SV2B: variants seen among roughly 807,000 people sequenced by gnomAD.
SV2B encodes the protein solute carrier family 22 member B2.
Under a neutral mutation model 73.9 loss-of-function variants are expected in SV2B, and 41 were observed. The observed-to-expected ratio is 0.56, with a 90% CI of 0.43 to 0.72. The LOEUF is 0.72. SV2B is among the 30% of genes least tolerant of loss of function. SV2B has a pLI of 0.00. For missense variants in SV2B, 764 were observed against 857.8 expected (o/e 0.89, Z 1.37); for synonymous variants, 314 against 314.2 (o/e 1.00, Z 0.01).
rs1485226390 is a variant in SV2B at position 91,239,367 on chromosome 15, C to A, written c.452-12452C>A. Among the ~76,000 whole-genome samples the A allele has an allele frequency of 6.7e-6, 1 of 150,052 alleles. No individual in the cohort carries two copies. Among genetic ancestry groups the A allele is most frequent in the African/African-American group, 2.5e-5 (1 of 40,616 alleles). ...CTCGGTGGGTCCTAGAAAAGGAAGT[C>A]TTGTGCTCGAAAGGAGACATGGTAA... On this transcript the variant is annotated intron_variant, in intron 2 of 12. Coordinates refer to ENST00000394232, the MANE Select transcript of SV2B (RefSeq NM_001323032.3). This position sits in a 1 kb window ranked among gnomAD's most constrained non-coding sequence, Gnocchi z 5.1.
At position 91,289,140 on chromosome 15, in the gene SV2B, G is replaced by C. The variant is rs1020128939; in HGVS notation, c.1709-381G>C. Among the ~76,000 whole-genome samples the C allele has an allele frequency of 6.6e-6, 1 of 152,172 alleles. No homozygotes were observed. Among genetic ancestry groups the C allele is most frequent in the South Asian group, 2.1e-4 (1 of 4,826 alleles). On this transcript the variant is annotated intron_variant, in intron 11 of 12. Coordinates refer to ENST00000394232, the MANE Select transcript of SV2B (RefSeq NM_001323032.3). The surrounding 1 kb of genome is among the most constrained non-coding windows in gnomAD (Gnocchi z 4.9). ...CATCCTGGTTTCAAATCAAGACTGA[G>C]GTTTTTGTTTTTGTTTTTTGGCCAA...
At chr15:91,221,693 G>GCGCGCGCA (rs370290337) in intron 1 of SV2B, among the ~76,000 whole-genome samples, 42 of 140,158 alleles carry the variant, frequency 3.0e-4, no homozygotes, top group Middle Eastern at 7.1e-3. Flanking sequence ...AAGCATGTGC[G>GCGCGCGCA]CACACACACA....
Position 91,130,150 on chromosome 15 carries a change from AT to A in SV2B, c.-392+29788del, listed in dbSNP as rs1318763433. On this transcript the variant is annotated intron_variant, in intron 1 of 12. Transcript: ENST00000394232. This position sits in a 1 kb window ranked among gnomAD's most constrained non-coding sequence, Gnocchi z 5.6. The stretch of plus-strand genomic sequence containing the variant: ...GGAGAGATGGATGAGATGATTCTTA[AT>A]GCTGAGATGAAACGGCTAGGACTTG... Among the ~76,000 whole-genome samples, 1 of 151,898 alleles carries A rather than the reference AT, an allele frequency of 6.6e-6. No individual in the cohort carries two copies. The highest frequency in any genetic ancestry group is 1.5e-5 in the Non-Finnish European group (1 of 68,048).
chr15:91,182,526 A>T (rs1022052216), intron 1 of SV2B, among the ~76,000 whole-genome samples: 2 of 152,214 alleles, frequency 1.3e-5, no homozygotes. Context: ...ACTTAGGGCA[A>T]GTTCCTGAGC....
Position 91,258,435 on chromosome 15 carries a change from A to T in SV2B, c.799A>T (p.Met267Leu), listed in dbSNP as rs138530686. Reference sequence around the variant, plus strand: ...CTCCTTTGCAGGCTGGGGCTTCAGCATGGGGACCAATTACCACTTCCATAG... The same window carrying T: ...CTCCTTTGCAGGCTGGGGCTTCAGCTTGGGGACCAATTACCACTTCCATAG... ...IIPHYGWGFS[M>L]GTNYHFHSWR... The change falls in exon 5 of 13, where the codon ATG becomes TTG. Residue 267 changes from methionine (M) to leucine (L), a missense_variant. By Grantham distance (15) the Met-to-Leu change is conservative. Coordinates refer to ENST00000394232, the MANE Select transcript of SV2B (RefSeq NM_001323032.3). The surrounding 1 kb of genome is among the most constrained non-coding windows in gnomAD (Gnocchi z 4.7). The T allele has an allele frequency of 1.9e-6, 3 of 1,614,100 alleles. No individual in the cohort carries two copies. In the South Asian group the frequency reaches 3.3e-5, roughly 18 times the overall value.
intron 2 of SV2B, among the ~76,000 whole-genome samples, chr15:91,247,527 A>G (rs1444561200): frequency 6.6e-6 from 1 of 152,162 alleles, no homozygotes; most frequent in Non-Finnish European, 1.5e-5. Context: ...AAGGAAAGAG[A>G]TTGGAATGAT....
rs1186968806 is a variant in SV2B at position 91,115,406 on chromosome 15, C to T, written c.-392+15043C>T. Among the ~76,000 whole-genome samples the T allele has an allele frequency of 1.3e-5, 2 of 151,914 alleles. No homozygotes were observed. The highest frequency in any genetic ancestry group is 2.1e-4 in the South Asian group (1 of 4,806). ...TTTTTTTTTGAAACAGAGTCTTGCT[C>T]TGTTACTCAGGTTGGAGTACAGTAG... On this transcript the variant is annotated intron_variant, in intron 1 of 12. Transcript: ENST00000394232. This position sits in a 1 kb window ranked among gnomAD's most constrained non-coding sequence, Gnocchi z 4.3.
chr15:91,217,789 C>T (rs748727210), intron 1 of SV2B, among the ~76,000 whole-genome samples: 1 of 152,220 alleles, frequency 6.6e-6, no homozygotes, highest in Non-Finnish European at 1.5e-5. Context: ...CAGAACAATC[C>T]CTCGCTTGAG....
chr15:91,148,536 G>A (rs1462619815), intron 1 of SV2B, among the ~76,000 whole-genome samples: 1 of 152,156 alleles, frequency 6.6e-6, no homozygotes, highest in Non-Finnish European at 1.5e-5. Context: ...GTTTGTCTGA[G>A]TGTGAAGTAA....
At chr15:91,230,539 T>A (rs1021568572) in intron 2 of SV2B, among the ~76,000 whole-genome samples, 1 of 152,222 alleles carries the variant, frequency 6.6e-6, no homozygotes, top group Non-Finnish European at 1.5e-5. Context: ...CGTTATGTTT[T>A]ATTGGATCTT....
In SV2B at chr15:91,283,872, C is replaced by CCACATATTACCTTGACGACATGGT; in HGVS notation, c.1508-133_1508-132insGACATGGTCACATATTACCTTGAC. 1.3e-6 allele frequency: 1 copy of CCACATATTACCTTGACGACATGGT among 777,194 alleles called. No individual in the cohort carries two copies. The highest frequency in any genetic ancestry group is 1.7e-5 in the African/African-American group (1 of 58,662). The allele number at this position is 777,194 out of a possible 1,614,324, so 48.1% of individuals were successfully genotyped here. A position where few individuals can be genotyped will look rare whatever the true frequency, so the allele number is the denominator to read the frequency against. ...CCTCATCCATACCTTGATGACATGG[C>CCACATATTACCTTGACGACATGGT]CACATATTACCTTGACTTTGAGGCT... On this transcript the variant is annotated intron_variant, in intron 10 of 12. Transcript: ENST00000394232. This position sits in a 1 kb window ranked among gnomAD's most constrained non-coding sequence, Gnocchi z 4.3.
At position 91,281,979 on chromosome 15, in the gene SV2B, G is replaced by A. The variant is rs1177202857; in HGVS notation, c.1507+118G>A. The A allele has an allele frequency of 8.2e-7, 1 of 1,217,842 alleles. No individual in the cohort carries two copies. Among genetic ancestry groups the A allele is most frequent in the Non-Finnish European group, 1.1e-6 (1 of 913,140 alleles). 75.4% of individuals were successfully genotyped at this position (1,217,842 alleles called of 1,614,324 possible). A position where few individuals can be genotyped will look rare whatever the true frequency, so the allele number is the denominator to read the frequency against. ...TAGGAAAGTATTCGTAGATACAAATGCCAAGCCTTGGTGGGGAAATGGATT... is the reference window on the plus strand; with the variant it reads ...TAGGAAAGTATTCGTAGATACAAATACCAAGCCTTGGTGGGGAAATGGATT... On this transcript the variant is annotated intron_variant, in intron 10 of 12. Transcript: ENST00000394232. This position sits in a 1 kb window ranked among gnomAD's most constrained non-coding sequence, Gnocchi z 4.7.
chr15:91,262,257 A>T (rs1328165891), intron 6 of SV2B, among the ~76,000 whole-genome samples: 2 of 150,026 alleles, frequency 1.3e-5, no homozygotes, highest in East Asian at 1.9e-4. Flanking sequence ...ACACCAAAAA[A>T]CAAAAACAAA....
At position 91,258,390 on chromosome 15, in the gene SV2B, A is replaced by G; in HGVS notation, c.785-31A>G. ...TCCGTAGAGGAAAAGATCATGTCCC[A>G]GAAATCCTTTGACTGACTGCTCCTT... On this transcript the variant is annotated intron_variant, in intron 4 of 12. Transcript: ENST00000394232. The surrounding 1 kb of genome is among the most constrained non-coding windows in gnomAD (Gnocchi z 4.7). The G allele has an allele frequency of 6.2e-7, 1 of 1,612,636 alleles. No individual in the cohort carries two copies. The highest frequency in any genetic ancestry group is 8.5e-7 in the Non-Finnish European group (1 of 1,179,240).
intron 1 of SV2B, among the ~76,000 whole-genome samples, chr15:91,192,636 CATA>C (rs2045082104): frequency 6.6e-6 from 1 of 152,180 alleles, no homozygotes; most frequent in South Asian, 2.1e-4. Flanking sequence ...AAATGGCTAA[CATA>C]ATTCTTCCCT....
chr15:91,176,579 C>T (rs1384147876), intron 1 of SV2B, among the ~76,000 whole-genome samples: 2 of 152,082 alleles, frequency 1.3e-5, no homozygotes, highest in Non-Finnish European at 1.5e-5. Context: ...TAATGATCGC[C>T]ATTGTAACTG....
rs780885189 is a variant in SV2B at position 91,232,641 on chromosome 15, ATTAGAT to A, written c.451+5931_451+5936del. Among the ~76,000 whole-genome samples, 3 of 152,174 alleles carry A rather than the reference ATTAGAT, an allele frequency of 2.0e-5. No homozygotes were observed. Among genetic ancestry groups the A allele is most frequent in the Non-Finnish European group, 4.4e-5 (3 of 68,026 alleles). On this transcript the variant is annotated intron_variant, in intron 2 of 12. Transcript: ENST00000394232. The surrounding 1 kb of genome is among the most constrained non-coding windows in gnomAD (Gnocchi z 4.7). ...TTTCTGGAATTGGCTTTCTAATCTG[ATTAGAT>A]TTAAAGAGTTTATTGTTTGAGTGTG...
intron 1 of SV2B, among the ~76,000 whole-genome samples, chr15:91,219,973 A>AATCAGTGT (rs1305129342): frequency 6.6e-6 from 1 of 152,194 alleles, no homozygotes; most frequent in Non-Finnish European, 1.5e-5. Context: ...TTTTATTGCT[A>AATCAGTGT]ATCAGTGTTT....
intron 1 of SV2B, among the ~76,000 whole-genome samples, chr15:91,198,626 TA>T (rs1288251193): frequency 6.6e-6 from 1 of 152,122 alleles, no homozygotes; most frequent in Non-Finnish European, 1.5e-5. Flanking sequence ...CCTTAATGAG[TA>T]AAAGGGTTTC....
Sources: allele counts gnomAD v4.1 joint callset (sites outside exome capture counted in the v4.1 genomes callset), GRCh38; gene constraint gnomAD v4.1.1; non-coding constraint Gnocchi (gnomAD v3.1); transcripts MANE v1.5; gene names NCBI Gene and HGNC (gene_info 2026-07-23, HGNC 2026-07-21).